DTNA: variants seen among roughly 807,000 people sequenced by gnomAD.
The protein encoded by DTNA is dystrophin-related protein 3.
A neutral mutation model predicts 100.7 loss-of-function variants in DTNA; 43 were observed. That is an observed-to-expected ratio of 0.43 (90% CI 0.33 to 0.55). DTNA has a LOEUF of 0.55. DTNA is among the 20% of genes least tolerant of loss of function. The probability of loss-of-function intolerance (pLI) is 0.04; values close to 1 mark genes in which losing one functional copy is unlikely to be tolerated. For synonymous variants in DTNA, 349 were observed against 347.9 expected (o/e 1.00, Z -0.04); for missense variants, 798 against 953.9 (o/e 0.84, Z 2.15).
intron 1 of DTNA, among the ~76,000 whole-genome samples, chr18:34,739,117 C>T (rs1225249051): frequency 1.3e-5 from 2 of 152,152 alleles, no homozygotes; most frequent in Non-Finnish European, 2.9e-5. Context: ...CCATGGAATA[C>T]TACGCTTGAG....
At chr18:34,587,750 A>T (rs1006710163) in intron 1 of DTNA, among the ~76,000 whole-genome samples, 3 of 152,170 alleles carry the variant, frequency 2.0e-5, no homozygotes. Flanking sequence ...TGGGCCAAAC[A>T]CTTTCTAATT....
chr18:34,560,466 T>C (rs2849490), intron 1 of DTNA, among the ~76,000 whole-genome samples: 13,992 of 152,270 alleles, frequency 0.092, 650 homozygotes, highest in South Asian at 0.11. Flanking sequence ...TCCAGTGTTA[T>C]CATAAGTAAT....
In DTNA at chr18:34,609,245, C is replaced by CTTT. The variant is rs71166019; in HGVS notation, c.-2+115746_-2+115748dup. 6.7e-4 allele frequency among the ~76,000 whole-genome samples: 88 copies of CTTT among 131,314 alleles called. 2 individuals are homozygous for CTTT. Among genetic ancestry groups the CTTT allele is most frequent in the African/African-American group, 2.0e-3 (70 of 34,670 alleles). The allele number at this position is 131,314 out of a possible 152,430, so 86.1% of individuals were successfully genotyped here. ...CCTTTTTGTTTTGACTGCTTTAATTCTTTTTTTTTTTTTTTTTGAGACGGA... is the reference window on the plus strand; with the variant it reads ...CCTTTTTGTTTTGACTGCTTTAATTCTTTTTTTTTTTTTTTTTTTTGAGACGGA... On this transcript the variant is annotated intron_variant, in intron 1 of 19. Transcript: ENST00000283365.
Position 34,722,942 on chromosome 18 carries a change from A to G in DTNA, c.-2+12497A>G, listed in dbSNP as rs72953250. On this transcript the variant is annotated intron_variant, in intron 1 of 22. Coordinates refer to ENST00000444659, the MANE Select transcript of DTNA (RefSeq NM_001386795.1). The stretch of plus-strand genomic sequence containing the variant: ...GTTTATCCATTCATCTTTGATTAAC[A>G]TTGAGGTTCTTTCTGGTTTTTGACT... Among the ~76,000 whole-genome samples, 1,098 of 152,270 alleles carry G rather than the reference A, an allele frequency of 7.2e-3. 4 individuals are homozygous for G. Among genetic ancestry groups the G allele is most frequent in the Non-Finnish European group, 0.011 (768 of 68,006 alleles).
At chr18:34,806,034 T>C (rs1312152628) in intron 4 of DTNA, among the ~76,000 whole-genome samples, 185 bp from the exon 5 acceptor site, 1 of 152,230 alleles carries the variant, frequency 6.6e-6, no homozygotes, top group African/African-American at 2.4e-5. Context: ...GTTCTTCAGA[T>C]ATGTGCATTG....
intron 1 of DTNA, among the ~76,000 whole-genome samples, chr18:34,738,270 T>C (rs1220760827): frequency 6.6e-6 from 1 of 152,070 alleles, no homozygotes; most frequent in African/African-American, 2.4e-5. Flanking sequence ...TCAAAAAGCA[T>C]CTTAGTTGAC....
chr18:34,717,840 A>C (rs1050637698), intron 1 of DTNA, among the ~76,000 whole-genome samples: 1 of 152,248 alleles, frequency 6.6e-6, no homozygotes, highest in African/African-American at 2.4e-5. Flanking sequence ...AACCAGGGAG[A>C]GATGAGAATC....
At chr18:34,527,862 A>G (rs1171788064) in intron 1 of DTNA, among the ~76,000 whole-genome samples, 1 of 152,090 alleles carries the variant, frequency 6.6e-6, no homozygotes, top group Non-Finnish European at 1.5e-5. Context: ...CAAGCTCAAT[A>G]AAGTCACCTA....
Position 34,889,655 on chromosome 18 carries a change from G to A in DTNA, c.*1921G>A, listed in dbSNP as rs2096953204. On this transcript the variant is annotated 3_prime_UTR_variant, in exon 23 of 23. Coordinates refer to ENST00000444659, the MANE Select transcript of DTNA (RefSeq NM_001386795.1). ...CGTTTGGTCAGACATCATCTCCTTGGCTGCCCTTTGAAACCAAATCACTTG... is the reference window on the plus strand; with the variant it reads ...CGTTTGGTCAGACATCATCTCCTTGACTGCCCTTTGAAACCAAATCACTTG... The A allele has an allele frequency of 3.0e-6, 3 of 985,688 alleles. No homozygotes were observed. The highest frequency in any genetic ancestry group is 3.6e-6 in the Non-Finnish European group (3 of 829,960). 61.1% of individuals were successfully genotyped at this position (985,688 alleles called of 1,614,324 possible).
chr18:34,495,237 T>C (rs2039060406), intron 1 of DTNA, among the ~76,000 whole-genome samples: 1 of 152,234 alleles, frequency 6.6e-6, no homozygotes, highest in African/African-American at 2.4e-5. Context: ...TTAACTCTTT[T>C]TCTACTTTTT....
At chr18:34,543,432 A>G (rs1166018297) in intron 1 of DTNA, among the ~76,000 whole-genome samples, 2 of 152,120 alleles carry the variant, frequency 1.3e-5, no homozygotes, top group Admixed American at 6.6e-5. Context: ...AAGTTCATAC[A>G]GCATTGTTAA....
At chr18:34,886,216 C>T (rs775159000) in intron 22 of DTNA, among the ~76,000 whole-genome samples, 6 of 152,178 alleles carry the variant, frequency 3.9e-5, no homozygotes, top group Admixed American at 2.6e-4. Context: ...CTGTCTCAGT[C>T]CTCAGGTTAA....
intron 6 of DTNA, among the ~76,000 whole-genome samples, chr18:34,812,878 G>C (rs1244161563): frequency 1.3e-5 from 2 of 152,194 alleles, no homozygotes; most frequent in African/African-American, 4.8e-5. Flanking sequence ...AAGGATACCA[G>C]AAAGGAATCC....
At position 34,890,067 on chromosome 18, in the gene DTNA, C is replaced by A; in HGVS notation, c.*2333C>A. The A allele has an allele frequency of 4.4e-6, 6 of 1,359,638 alleles. No homozygotes were observed. Among genetic ancestry groups the A allele is most frequent in the Non-Finnish European group, 5.7e-6 (6 of 1,058,226 alleles). The allele number at this position is 1,359,638 out of a possible 1,614,324, so 84.2% of individuals were successfully genotyped here. A position where few individuals can be genotyped will look rare whatever the true frequency, so the allele number is the denominator to read the frequency against. ...CTTAAATCCTGCACGTGGCACTCCA[C>A]CACTGACTGGACCGAGCTGGCATAT... On this transcript the variant is annotated 3_prime_UTR_variant, in exon 23 of 23. Transcript: ENST00000444659.
chr18:34,527,411 A>G (rs560191497), intron 1 of DTNA, among the ~76,000 whole-genome samples: 18 of 152,216 alleles, frequency 1.2e-4, no homozygotes, highest in East Asian at 7.7e-4. Flanking sequence ...AAAAGTTAAT[A>G]AAGAATGACA....
In DTNA at chr18:34,889,350, G is replaced by C. The variant is rs2096950412; in HGVS notation, c.*1616G>C. ...GCCTACTGAATCAGAAGCTCTGGGG[G>C]TTGGGTCCAGAAGTCTGTTTTAGTC... On this transcript the variant is annotated 3_prime_UTR_variant, in exon 23 of 23. Coordinates refer to ENST00000444659, the MANE Select transcript of DTNA (RefSeq NM_001386795.1). The C allele has an allele frequency of 1.0e-6, 1 of 982,470 alleles. No individual in the cohort carries two copies. Among genetic ancestry groups the C allele is most frequent in the Non-Finnish European group, 1.2e-6 (1 of 827,300 alleles). 60.9% of individuals were successfully genotyped at this position (982,470 alleles called of 1,614,324 possible). A position where few individuals can be genotyped will look rare whatever the true frequency, so the allele number is the denominator to read the frequency against.
At chr18:34,586,540 G>A (rs1370806712) in intron 1 of DTNA, among the ~76,000 whole-genome samples, 1 of 151,924 alleles carries the variant, frequency 6.6e-6, no homozygotes, top group Non-Finnish European at 1.5e-5. Context: ...TGAATATGCT[G>A]ACTCTAACTA....
At chr18:34,809,007 G>A (rs1417980483) in intron 5 of DTNA, among the ~76,000 whole-genome samples, 2 of 152,024 alleles carry the variant, frequency 1.3e-5, no homozygotes, top group Admixed American at 1.3e-4. Context: ...GTTAATCCTG[G>A]GAAGATGGTT....
At chr18:34,655,755 A>G (rs2074280627) in intron 1 of DTNA, among the ~76,000 whole-genome samples, 1 of 152,242 alleles carries the variant, frequency 6.6e-6, no homozygotes, top group African/African-American at 2.4e-5. Context: ...TTAACCAAAT[A>G]ACTCACTGTA....
Sources: allele counts gnomAD v4.1 joint callset (sites outside exome capture counted in the v4.1 genomes callset), GRCh38; gene constraint gnomAD v4.1.1; transcripts MANE v1.5; gene names NCBI Gene and HGNC (gene_info 2026-07-23, HGNC 2026-07-21).